Variants in MCC observed in about 807,000 individuals in gnomAD.
MCC encodes the protein MCC regulator of Wnt signaling pathway.
A neutral mutation model predicts 116.2 loss-of-function variants in MCC; 90 were observed. The observed-to-expected ratio is 0.77, with a 90% CI of 0.65 to 0.92. The LOEUF is 0.92. Ranked by LOEUF, MCC falls within the 40% of genes least tolerant of loss-of-function variation. The pLI is 0.00. For synonymous variants in MCC, 578 were observed against 510.5 expected (o/e 1.13, Z -1.78); for missense variants, 1,516 against 1,312.2 (o/e 1.16, Z -2.40).
At chr5:113,279,539 C>T (rs927161974) in intron 3 of MCC, among the ~76,000 whole-genome samples, 3 of 152,258 alleles carry the variant, frequency 2.0e-5, no homozygotes, top group African/African-American at 2.4e-5. Flanking sequence ...AAATGAATAT[C>T]GGAGCTTAAC....
chr5:113,266,421 G>A (rs1056954982), intron 3 of MCC, among the ~76,000 whole-genome samples: 8 of 152,214 alleles, frequency 5.3e-5, no homozygotes, highest in Admixed American at 2.0e-4. Context: ...TACACATACA[G>A]CCAGAGTCAG....
chr5:113,311,070 C>T (rs9326881), intron 3 of MCC, among the ~76,000 whole-genome samples: 13,722 of 152,240 alleles, frequency 0.09, 1,482 homozygotes, highest in African/African-American at 0.26. Flanking sequence ...TTCATGGTTA[C>T]AGTGAGCTGT....
chr5:113,084,215 T>A, intron 9 of MCC, 25 bp from the exon 10 acceptor site: 2 of 1,566,466 alleles, frequency 1.3e-6, no homozygotes, highest in South Asian at 1.1e-5. Context: ...CAAAACATTA[T>A]AGAAAACTAC....
intron 7 of MCC, among the ~76,000 whole-genome samples, chr5:113,102,223 T>C (rs1375044199): frequency 2.6e-5 from 4 of 152,208 alleles, no homozygotes; most frequent in African/African-American, 9.6e-5. Context: ...CTGTCTGTGG[T>C]GCTAGCTGAC....
At chr5:113,459,133 ATGTGTGTGTGTGTGTGTG>A (rs542497591) in intron 1 of MCC, among the ~76,000 whole-genome samples, 6 of 68,306 alleles carry the variant, frequency 8.8e-5, no homozygotes, top group Non-Finnish European at 1.7e-4. Flanking sequence ...GAGTAAGGAT[ATGTGTGTGTGTGTGTGTG>A]TGTGTGTGTG....
intron 3 of MCC, among the ~76,000 whole-genome samples, chr5:113,282,869 T>C (rs1766102193): frequency 6.6e-6 from 1 of 152,246 alleles, no homozygotes; most frequent in Admixed American, 6.5e-5. Context: ...TGTGACTTCC[T>C]GGCTGCTTTC....
intron 8 of MCC, among the ~76,000 whole-genome samples, chr5:113,095,639 C>A (rs547700283): frequency 6.6e-6 from 1 of 151,980 alleles, no homozygotes; most frequent in African/African-American, 2.4e-5. Context: ...CCCACCTCAG[C>A]CCCCGAGTAG....
chr5:113,171,383 T>C (rs1761064587), intron 3 of MCC, among the ~76,000 whole-genome samples: 1 of 151,062 alleles, frequency 6.6e-6, no homozygotes, highest in African/African-American at 2.4e-5. Context: ...TGAGACAGAG[T>C]GTCACTCTGT....
At chr5:113,371,623 G>A (rs1402447041) in intron 2 of MCC, among the ~76,000 whole-genome samples, 3 of 152,152 alleles carry the variant, frequency 2.0e-5, no homozygotes, top group African/African-American at 7.2e-5. Flanking sequence ...TGTTTTTCTT[G>A]TAGATAGCAA....
At position 113,481,399 on chromosome 5, in the gene MCC, GAAC is replaced by G. The variant is rs758388113; in HGVS notation, c.170+6843_170+6845del. 2.0e-4 allele frequency among the ~76,000 whole-genome samples: 30 copies of G among 152,146 alleles called. 1 individual carries two copies. Among genetic ancestry groups the G allele is most frequent in the Admixed American group, 4.6e-4 (7 of 15,272 alleles). On this transcript the variant is annotated intron_variant, in intron 1 of 18. Coordinates refer to ENST00000408903, the MANE Select transcript of MCC (RefSeq NM_001085377.2). ...GAAACAATCTAAATAGTCAACAACA[GAAC>G]AATAATTAAATTAATTAAATAAATA...
intron 3 of MCC, among the ~76,000 whole-genome samples, chr5:113,279,818 T>C (rs1049277787): frequency 2.0e-5 from 3 of 152,226 alleles, no homozygotes; most frequent in Non-Finnish European, 4.4e-5. Context: ...TGTGCATCAC[T>C]AAACAGTTTT....
At chr5:113,098,034 C>T (rs568899765) in intron 8 of MCC, among the ~76,000 whole-genome samples, 125 of 152,266 alleles carry the variant, frequency 8.2e-4, no homozygotes, top group African/African-American at 2.8e-3. Context: ...CAGAAGAATT[C>T]TGTAAATCTG....
chr5:113,075,281 G>A (rs1467387159), intron 11 of MCC, among the ~76,000 whole-genome samples: 1 of 152,214 alleles, frequency 6.6e-6, no homozygotes, highest in South Asian at 2.1e-4. Context: ...CGCGGAGCAG[G>A]GCTTGGGACC....
intron 1 of MCC, among the ~76,000 whole-genome samples, chr5:113,441,008 A>C (rs751944415): frequency 3.3e-5 from 5 of 152,184 alleles, no homozygotes; most frequent in African/African-American, 1.2e-4. Context: ...AAGGCAGATA[A>C]ATAAACAGAA....
intron 11 of MCC, among the ~76,000 whole-genome samples, chr5:113,074,256 C>A (rs956452982): frequency 7.9e-5 from 12 of 152,220 alleles, no homozygotes; most frequent in Non-Finnish European, 1.5e-4. Flanking sequence ...GCTGGTGATA[C>A]CCACACAAAC....
chr5:113,169,730 G>C (rs978726713), intron 3 of MCC, among the ~76,000 whole-genome samples: 1 of 152,094 alleles, frequency 6.6e-6, no homozygotes, highest in Non-Finnish European at 1.5e-5. Context: ...AACTGCTGTG[G>C]GATGACCTGG....
At chr5:113,383,889 T>C (rs1769184559) in intron 2 of MCC, among the ~76,000 whole-genome samples, 1 of 152,164 alleles carries the variant, frequency 6.6e-6, no homozygotes, top group African/African-American at 2.4e-5. Context: ...TACACAATTA[T>C]CTATGCTCAT....
intron 18 of MCC, 47 bp from the exon 19 acceptor site, chr5:113,027,529 G>C: frequency 6.5e-7 from 1 of 1,550,234 alleles, no homozygotes; most frequent in South Asian, 1.1e-5. Flanking sequence ...ATCCTAAGTA[G>C]CATCGTGACA....
chr5:113,306,262 G>GTA (rs1766982718), intron 3 of MCC, among the ~76,000 whole-genome samples: 1 of 152,076 alleles, frequency 6.6e-6, no homozygotes, highest in Non-Finnish European at 1.5e-5. Flanking sequence ...ATTCTCTCGG[G>GTA]TATATACCTA....
Sources: gnomAD v4.1 joint callset for allele counts (sites outside exome capture counted in the v4.1 genomes callset) on GRCh38, gnomAD v4.1.1 for gene constraint, MANE v1.5 for transcripts, NCBI Gene and HGNC (gene_info 2026-07-23, HGNC 2026-07-21) for gene names.